Variants in ANTXRL observed in about 807,000 individuals in gnomAD.
ANTXRL encodes the protein ANTXR like, also known as anthrax toxin receptor-like.
ANTXRL carries 63 observed loss-of-function variants against 75.4 expected under a neutral mutation model. The observed-to-expected ratio is 0.84, with a 90% CI of 0.68 to 1.03. The LOEUF (loss-of-function observed/expected upper bound fraction) is 1.03, where lower values mean the gene tolerates loss of function less well. Among genes scored for constraint, ANTXRL ranks in the 50% least tolerant of loss-of-function variants. The pLI, the probability that ANTXRL is intolerant of heterozygous loss-of-function variation, is 0.00. For synonymous variants in ANTXRL, 335 were observed against 291.3 expected, an observed-to-expected ratio of 1.15 and a Z score of -1.53; for missense variants, 797 against 789.4, an observed-to-expected ratio of 1.01 and a Z score of -0.12.
chr10:46,292,996 G>T, intron 2 of ANTXRL: 1 of 152,752 alleles, frequency 6.5e-6, no homozygotes. Flanking sequence ...GGATGACGGA[G>T]AGGAGAGGGA....
intron 9 of ANTXRL, among the ~76,000 whole-genome samples, chr10:46,298,971 A>G (rs782687530): frequency 2.0e-5 from 3 of 151,846 alleles, no homozygotes; most frequent in Non-Finnish European, 4.4e-5. Flanking sequence ...ACCTTTGTAC[A>G]ATTAGTGTGT....
At chr10:46,321,203 G>A (rs1554965521) in intron 16 of ANTXRL, among the ~76,000 whole-genome samples, 1 of 152,160 alleles carries the variant, frequency 6.6e-6, no homozygotes, top group African/African-American at 2.4e-5. Flanking sequence ...TTATGCTGGA[G>A]CAGAAGCTTG....
At chr10:46,297,742 C>A in intron 7 of ANTXRL, 89 bp from the exon 8 acceptor site, 2 of 1,172,274 alleles carry the variant, frequency 1.7e-6, no homozygotes, top group Non-Finnish European at 2.4e-6. Flanking sequence ...GCCCCCAAAG[C>A]ATGAGGGCAA....
chr10:46,317,524 G>A (rs1554964905), intron 16 of ANTXRL, among the ~76,000 whole-genome samples: 1 of 152,178 alleles, frequency 6.6e-6, no homozygotes, highest in Non-Finnish European at 1.5e-5. Context: ...TGCCCGTGGA[G>A]GGCACTAGAC....
intron 1 of ANTXRL, among the ~76,000 whole-genome samples, chr10:46,290,544 C>T (rs1836943185): frequency 6.6e-6 from 1 of 152,098 alleles, no homozygotes; most frequent in African/African-American, 2.4e-5. Context: ...AAGCTGTTTC[C>T]CACAGTGATT....
intron 16 of ANTXRL, among the ~76,000 whole-genome samples, chr10:46,315,861 G>C (rs549215808): frequency 6.6e-6 from 1 of 152,304 alleles, no homozygotes; most frequent in South Asian, 2.1e-4. Flanking sequence ...TGTGGCAAAA[G>C]CAGTCAGTCT....
chr10:46,327,043 C>T (rs1363534888), intron 16 of ANTXRL, among the ~76,000 whole-genome samples: 2 of 152,094 alleles, frequency 1.3e-5, no homozygotes, highest in Non-Finnish European at 2.9e-5. Flanking sequence ...GACCAGGATG[C>T]TCCCCTTCAA....
intron 16 of ANTXRL, 122 bp from the exon 17 acceptor site, chr10:46,329,477 A>T: frequency 7.7e-7 from 1 of 1,297,942 alleles, no homozygotes; most frequent in Non-Finnish European, 1.0e-6. Flanking sequence ...GGAGCACAGC[A>T]AGGCCCACCC....
chr10:46,302,149 C>G (rs1393834507), intron 9 of ANTXRL, among the ~76,000 whole-genome samples: 2 of 152,188 alleles, frequency 1.3e-5, no homozygotes, highest in Admixed American at 6.5e-5. Context: ...TGAGCAGGGT[C>G]CTAGGTGGCT....
chr10:46,292,221 G>A, intron 2 of ANTXRL, 92 bp downstream of exon 2: 1 of 1,253,456 alleles, frequency 8.0e-7, no homozygotes, highest in Non-Finnish European at 1.1e-6. Context: ...GATGGGGTGG[G>A]CGTGGGAGTC....
chr10:46,309,005 A>G (rs1838264140), intron 12 of ANTXRL, 108 bp from the exon 13 acceptor site: 1 of 1,461,684 alleles, frequency 6.8e-7, no homozygotes, highest in African/African-American at 1.4e-5. Flanking sequence ...TAGTACCCGG[A>G]TGCGGGGCCA....
At chr10:46,312,911 C>T (rs1185761522) in intron 15 of ANTXRL, among the ~76,000 whole-genome samples, 1 of 152,096 alleles carries the variant, frequency 6.6e-6, no homozygotes, top group Non-Finnish European at 1.5e-5. Context: ...ATGCTGGGCC[C>T]CCAGGCCTAA....
At chr10:46,309,886 A>T (rs1238363134) in intron 13 of ANTXRL, among the ~76,000 whole-genome samples, 1 of 152,120 alleles carries the variant, frequency 6.6e-6, no homozygotes, top group African/African-American at 2.4e-5. Flanking sequence ...CCAAAAGCAG[A>T]GATGGAGCCC....
At chr10:46,311,731 G>A (rs1838439816) in intron 15 of ANTXRL, 66 bp downstream of exon 15, 1 of 681,670 alleles carries the variant, frequency 1.5e-6, no homozygotes, top group Admixed American at 2.3e-5. Flanking sequence ...GGGGGCAGAT[G>A]GGTCCCACTG....
At chr10:46,301,949 G>C (rs1209117468) in intron 9 of ANTXRL, among the ~76,000 whole-genome samples, 1 of 152,212 alleles carries the variant, frequency 6.6e-6, no homozygotes, top group South Asian at 2.1e-4. Context: ...CCTGGGTCCA[G>C]CCGTCACCTG....
intron 3 of ANTXRL, among the ~76,000 whole-genome samples, chr10:46,294,891 G>A (rs556354166): frequency 6.6e-6 from 1 of 152,182 alleles, no homozygotes; most frequent in Non-Finnish European, 1.5e-5. Flanking sequence ...ACAGTGGGAA[G>A]CCATCCTTCA....
intron 14 of ANTXRL, 118 bp from the exon 15 acceptor site, chr10:46,311,392 C>A: frequency 7.4e-7 from 1 of 1,355,060 alleles, no homozygotes; most frequent in Non-Finnish European, 9.6e-7. Flanking sequence ...ACATGAAGGA[C>A]CCTCCACTGT....
intron 15 of ANTXRL, 79 bp from the exon 16 acceptor site, chr10:46,313,157 G>A (rs1554963907): frequency 4.8e-6 from 6 of 1,256,290 alleles, no homozygotes; most frequent in Admixed American, 4.0e-5. Context: ...ACAGAGCTGT[G>A]GGGGGCTGGG....
chr10:46,303,506 C>T (rs1237070530), intron 10 of ANTXRL, among the ~76,000 whole-genome samples: 6 of 152,124 alleles, frequency 3.9e-5, no homozygotes, highest in Non-Finnish European at 7.3e-5. Context: ...CATCCCAAAC[C>T]GCAAATTTGA....
Sources: allele counts gnomAD v4.1 joint callset (sites outside exome capture counted in the v4.1 genomes callset), GRCh38; gene constraint gnomAD v4.1.1; transcripts MANE v1.5; gene names NCBI Gene and HGNC (gene_info 2026-07-23, HGNC 2026-07-21).